TMEM165: variants seen among roughly 807,000 people sequenced by gnomAD.
TMEM165 encodes transmembrane protein 165, also known as putative divalent cation/proton antiporter TMEM165.
TMEM165 carries 19 observed loss-of-function variants against 30.0 expected under a neutral mutation model. The observed-to-expected ratio is 0.63, with a 90% CI of 0.44 to 0.93. The LOEUF (loss-of-function observed/expected upper bound fraction) is 0.93, where lower values mean the gene tolerates loss of function less well. TMEM165 is among the 40% of genes least tolerant of loss of function. TMEM165 has a pLI of 0.00. For synonymous variants in TMEM165, 168 were observed against 162.9 expected (o/e 1.03, Z -0.24); for missense variants, 340 against 417.0 (o/e 0.82, Z 1.61).
At chr4:55,435,602 AC>A in intron 3 of TMEM165, 1 of 1,613,726 alleles carries the variant, frequency 6.2e-7, no homozygotes, top group Non-Finnish European at 8.5e-7. Flanking sequence ...AGTCTAAAAA[AC>A]AAATGGATTA....
chr4:55,438,063 T>C (rs892179802), intron 3 of TMEM165, among the ~76,000 whole-genome samples: 6 of 152,128 alleles, frequency 3.9e-5, no homozygotes, highest in Non-Finnish European at 5.9e-5. Context: ...TTCTGATAAC[T>C]GGGTATGCCC....
chr4:55,440,489 C>T (rs887661279), intron 3 of TMEM165, among the ~76,000 whole-genome samples: 1 of 152,154 alleles, frequency 6.6e-6, no homozygotes, highest in Non-Finnish European at 1.5e-5. Flanking sequence ...CATGACATAA[C>T]TGTATTTACA....
chr4:55,399,573 G>C (rs565849950), intron 1 of TMEM165, among the ~76,000 whole-genome samples: 1 of 152,248 alleles, frequency 6.6e-6, no homozygotes, highest in Non-Finnish European at 1.5e-5. Context: ...AGTCATATTG[G>C]AATTTTTAAG....
intron 4 of TMEM165, among the ~76,000 whole-genome samples, chr4:55,419,097 A>G (rs1721860988): frequency 6.6e-6 from 1 of 152,138 alleles, no homozygotes; most frequent in Non-Finnish European, 1.5e-5. Context: ...TAAGGAAATA[A>G]AAACATTATT....
intron 3 of TMEM165, among the ~76,000 whole-genome samples, chr4:55,441,034 AAGTATTCATCACC>A (rs1723326994): frequency 6.6e-6 from 1 of 152,222 alleles, no homozygotes; most frequent in African/African-American, 2.4e-5. Context: ...AAGACCTCTG[AAGTATTCATCACC>A]CCAAACAATA....
chr4:55,448,209 A>G (rs527969228), intron 3 of TMEM165, among the ~76,000 whole-genome samples: 3 of 152,314 alleles, frequency 2.0e-5, no homozygotes, highest in Middle Eastern at 3.4e-3. Flanking sequence ...TTTAGTTCAT[A>G]TATTTGTACT....
At chr4:55,436,977 CA>C (rs1405722899) in intron 3 of TMEM165, among the ~76,000 whole-genome samples, 1 of 144,132 alleles carries the variant, frequency 6.9e-6, no homozygotes, top group Middle Eastern at 3.6e-3. Flanking sequence ...GATGTTAAGG[CA>C]GGTCCTCTCC....
At chr4:55,406,452 C>A (rs1721270947) in intron 1 of TMEM165, among the ~76,000 whole-genome samples, 1 of 152,142 alleles carries the variant, frequency 6.6e-6, no homozygotes, top group Non-Finnish European at 1.5e-5. Context: ...TAACCTGTTT[C>A]TTGAGACGTG....
intron 3 of TMEM165, chr4:55,431,547 C>T (rs1387667037): frequency 6.6e-6 from 1 of 152,084 alleles, no homozygotes; most frequent in Non-Finnish European, 1.5e-5. Context: ...ATCAGCTTGT[C>T]CTGGCTAGAA....
chr4:55,431,757 T>G (rs554854728), intron 3 of TMEM165: 1 of 152,368 alleles, frequency 6.6e-6, no homozygotes, highest in Admixed American at 6.5e-5. Context: ...TGCATTCCAC[T>G]TTTAAAAAGT....
intron 1 of TMEM165, among the ~76,000 whole-genome samples, chr4:55,406,425 C>T (rs1721270242): frequency 1.3e-5 from 2 of 152,120 alleles, no homozygotes; most frequent in Non-Finnish European, 2.9e-5. Context: ...GGTTCCTTTC[C>T]TGGAAACATT....
chr4:55,400,878 G>A (rs2109521103), intron 1 of TMEM165, among the ~76,000 whole-genome samples: 1 of 150,886 alleles, frequency 6.6e-6, no homozygotes, highest in African/African-American at 2.5e-5. Flanking sequence ...CCACCTGATG[G>A]AGGTAAGAAA....
intron 3 of TMEM165, among the ~76,000 whole-genome samples, chr4:55,447,580 C>G (rs973040259): frequency 1.3e-5 from 2 of 152,026 alleles, no homozygotes; most frequent in African/African-American, 4.8e-5. Context: ...TATTGGTGAA[C>G]AAAATGTGAG....
intron 1 of TMEM165, chr4:55,399,279 C>G (rs1191645764): frequency 6.6e-6 from 1 of 152,134 alleles, no homozygotes; most frequent in Admixed American, 6.6e-5. Context: ...CATCTTTTTC[C>G]TTCTGCCTGC....
chr4:55,418,041 G>A, intron 4 of TMEM165, 56 bp downstream of exon 4: 1 of 1,507,334 alleles, frequency 6.6e-7, no homozygotes, highest in Non-Finnish European at 9.0e-7. Flanking sequence ...TTATTACTTT[G>A]TTCCAGAAAA....
At chr4:55,408,858 C>A (rs1293955565) in intron 1 of TMEM165, among the ~76,000 whole-genome samples, 1 of 150,334 alleles carries the variant, frequency 6.7e-6, no homozygotes, top group East Asian at 1.9e-4. Context: ...AAATTTTATA[C>A]AAACCTTTAA....
At position 55,396,260 on chromosome 4, in the gene TMEM165, T is replaced by C. The variant is rs1183218004; in HGVS notation, c.71T>C (p.Leu24Pro). The C allele has an allele frequency of 6.6e-7, 1 of 1,517,312 alleles. No individual in the cohort carries two copies. The highest frequency in any genetic ancestry group is 1.2e-5 in the South Asian group (1 of 81,318). 94.0% of individuals were successfully genotyped at this position (1,517,312 alleles called of 1,614,324 possible). A position where few individuals can be genotyped will look rare whatever the true frequency, so the allele number is the denominator to read the frequency against. Reference protein sequence around the residue: ...PRLLLLFLVPLLWAPAAVRAG... With the variant: ...PRLLLLFLVPPLWAPAAVRAG... ...CTGCTTCTGCTCTTTCTGGTTCCGC[T>C]GCTGTGGGCCCCGGCTGCGGTCCGG... The change falls in exon 1 of 6, where the codon CTG (leucine) becomes CCG (proline). Residue 24 changes from leucine to proline, a missense_variant. Transcript: ENST00000381334.
chr4:55,397,048 A>G (rs1649740457), intron 1 of TMEM165: 1 of 152,182 alleles, frequency 6.6e-6, no homozygotes, highest in Admixed American at 6.5e-5. Flanking sequence ...CTAGAAATCA[A>G]CTTTTTAATC....
At chr4:55,433,311 A>T (rs1722645331) in intron 3 of TMEM165, 1 of 152,640 alleles carries the variant, frequency 6.6e-6, no homozygotes, top group African/African-American at 2.4e-5. Flanking sequence ...TTACTGATTG[A>T]TATCTAGTCA....
Sources: gnomAD v4.1 joint callset for allele counts (sites outside exome capture counted in the v4.1 genomes callset) on GRCh38, gnomAD v4.1.1 for gene constraint, MANE v1.5 for transcripts, NCBI Gene and HGNC (gene_info 2026-07-23, HGNC 2026-07-21) for gene names.